The following STPG2 variants were observed in gnomAD, a reference collection of about 807,000 sequenced individuals.
The protein encoded by STPG2 is sperm tail PG-rich repeat containing 2.
STPG2 carries 56 observed loss-of-function variants against 54.2 expected under a neutral mutation model. That is an observed-to-expected ratio of 1.03 (90% CI 0.83 to 1.29). STPG2 has a LOEUF of 1.29. Ranked by LOEUF, STPG2 falls within the 50% of genes most tolerant of loss-of-function variation. The pLI, the probability that STPG2 is intolerant of heterozygous loss-of-function variation, is 0.00. For synonymous variants in STPG2, 200 were observed against 181.8 expected (o/e 1.10, Z -0.81); for missense variants, 596 against 544.9 (o/e 1.09, Z -0.93).
intron 4 of STPG2, among the ~76,000 whole-genome samples, chr4:97,527,768 CAT>C (rs1229193207): frequency 2.0e-4 from 31 of 152,136 alleles, no homozygotes; most frequent in African/African-American, 7.5e-4. Context: ...AGCTTTTCTT[CAT>C]ATGTTTGTTG....
At chr4:97,788,410 CT>C (rs1482740602) in intron 9 of STPG2, among the ~76,000 whole-genome samples, 1 of 152,060 alleles carries the variant, frequency 6.6e-6, no homozygotes, top group Non-Finnish European at 1.5e-5. Context: ...AGATCTCATT[CT>C]TTTTCATGGC....
chr4:98,039,250 T>C (rs946601586), intron 5 of STPG2, among the ~76,000 whole-genome samples: 1 of 151,624 alleles, frequency 6.6e-6, no homozygotes, highest in African/African-American at 2.4e-5. Flanking sequence ...ACTGTACTAG[T>C]CATACAATAG....
At chr4:97,756,496 G>T (rs1387634767) in intron 9 of STPG2, among the ~76,000 whole-genome samples, 1 of 151,812 alleles carries the variant, frequency 6.6e-6, no homozygotes, top group Non-Finnish European at 1.5e-5. Context: ...TAATTTTTTT[G>T]TATTTTTTTA....
At chr4:97,852,823 T>C (rs1024887203) in intron 8 of STPG2, among the ~76,000 whole-genome samples, 2 of 152,016 alleles carry the variant, frequency 1.3e-5, no homozygotes, top group African/African-American at 4.8e-5. Context: ...TCCCCAATAA[T>C]ATTTACCATA....
intron 10 of STPG2, chr4:97,633,947 G>C (rs1393255589): frequency 4.5e-5 from 7 of 153,882 alleles, no homozygotes; most frequent in Non-Finnish European, 1.0e-4. Context: ...GCTTGCTTAG[G>C]TAAACAAAGC....
chr4:97,869,456 T>C (rs1419008546), intron 8 of STPG2, among the ~76,000 whole-genome samples: 2 of 151,728 alleles, frequency 1.3e-5, no homozygotes. Context: ...AGATAAGCTT[T>C]TGACATTTTC....
intron 10 of STPG2, among the ~76,000 whole-genome samples, chr4:97,569,431 T>G (rs1473508404): frequency 4.6e-5 from 7 of 152,172 alleles, no homozygotes; most frequent in South Asian, 2.1e-4. Context: ...GCTGACCTCC[T>G]ATCTTAACCT....
intron 5 of STPG2, among the ~76,000 whole-genome samples, chr4:98,039,956 C>T (rs964422683): frequency 6.6e-6 from 1 of 151,894 alleles, no homozygotes; most frequent in Admixed American, 6.6e-5. Context: ...TATAACTGTT[C>T]CCTTGTTTCT....
chr4:97,679,910 C>G (rs1475995769), intron 10 of STPG2, among the ~76,000 whole-genome samples: 1 of 151,466 alleles, frequency 6.6e-6, no homozygotes, highest in Non-Finnish European at 1.5e-5. Context: ...TTGTTTTTCT[C>G]AGGTTTGTCA....
intron 4 of STPG2, among the ~76,000 whole-genome samples, chr4:97,470,554 T>C (rs374324041): frequency 2.6e-5 from 4 of 152,252 alleles, no homozygotes; most frequent in East Asian, 3.9e-4. Flanking sequence ...AAACACTGTA[T>C]ATACTATGTT....
chr4:97,695,753 GAA>G (rs764861444), intron 10 of STPG2, among the ~76,000 whole-genome samples: 3 of 131,228 alleles, frequency 2.3e-5, no homozygotes, highest in Non-Finnish European at 3.3e-5. Flanking sequence ...AAAACAGATG[GAA>G]AAAAAAAAAA....
chr4:98,006,825 A>G (rs563121001), intron 5 of STPG2, among the ~76,000 whole-genome samples: 10 of 152,310 alleles, frequency 6.6e-5, no homozygotes, highest in South Asian at 2.1e-4. Context: ...ACTGAGCCCA[A>G]TCAGTTCCGA....
At chr4:97,862,750 C>T (rs1049633127) in intron 8 of STPG2, among the ~76,000 whole-genome samples, 2 of 152,146 alleles carry the variant, frequency 1.3e-5, no homozygotes, top group African/African-American at 4.8e-5. Context: ...AACTGTCTCT[C>T]CGACCACAGT....
At chr4:97,948,081 C>A (rs779170831) in intron 7 of STPG2, among the ~76,000 whole-genome samples, 1 of 151,856 alleles carries the variant, frequency 6.6e-6, no homozygotes, top group Non-Finnish European at 1.5e-5. Flanking sequence ...TTTAATATTG[C>A]TGCTTGTTAT....
intron 8 of STPG2, among the ~76,000 whole-genome samples, chr4:97,848,483 G>T (rs1199278910): frequency 1.3e-5 from 2 of 151,980 alleles, no homozygotes; most frequent in African/African-American, 2.4e-5. Context: ...GAATCTAGGG[G>T]TATACAAGCT....
At chr4:97,867,181 AT>A (rs1357857929) in intron 8 of STPG2, among the ~76,000 whole-genome samples, 1 of 151,578 alleles carries the variant, frequency 6.6e-6, no homozygotes, top group African/African-American at 2.4e-5. Context: ...AGATTATATT[AT>A]TTTCTCCTCA....
intron 4 of STPG2, among the ~76,000 whole-genome samples, chr4:97,508,626 T>C (rs1730904326): frequency 6.6e-6 from 1 of 152,106 alleles, no homozygotes; most frequent in Admixed American, 6.6e-5. Flanking sequence ...TTATTCAAAA[T>C]AGTTTATTAT....
intron 5 of STPG2, among the ~76,000 whole-genome samples, chr4:98,039,220 G>T (rs1031599788): frequency 6.6e-6 from 1 of 151,588 alleles, no homozygotes; most frequent in African/African-American, 2.4e-5. Context: ...ATGTATATTA[G>T]TATGTATATA....
intron 5 of STPG2, among the ~76,000 whole-genome samples, chr4:98,012,591 G>A (rs1735793698): frequency 6.6e-6 from 1 of 152,170 alleles, no homozygotes; most frequent in Non-Finnish European, 1.5e-5. Context: ...AGGATGGGAT[G>A]TTTTTCCATT....
Sources: allele counts gnomAD v4.1 joint callset (sites outside exome capture counted in the v4.1 genomes callset), GRCh38; gene constraint gnomAD v4.1.1; transcripts MANE v1.5; gene names NCBI Gene and HGNC (gene_info 2026-07-23, HGNC 2026-07-21).